Variants in XPO4 observed in about 807,000 individuals in gnomAD.
XPO4 encodes the protein exportin 4, also known as exportin-4.
XPO4 carries 39 observed loss-of-function variants against 143.0 expected under a neutral mutation model. The observed-to-expected ratio is 0.27, with a 90% CI of 0.21 to 0.36. The LOEUF (loss-of-function observed/expected upper bound fraction) is 0.36, where lower values mean the gene tolerates loss of function less well. Ranked by LOEUF, XPO4 falls within the 10% of genes least tolerant of loss-of-function variation. The pLI, the probability that XPO4 is intolerant of heterozygous loss-of-function variation, is 1.00. For missense variants in XPO4, 907 were observed against 1,348.0 expected, an observed-to-expected ratio of 0.67 and a Z score of 5.12; for synonymous variants, 439 against 474.0, an observed-to-expected ratio of 0.93 and a Z score of 0.96.
chr13:20,786,820 C>A, intron 22 of XPO4, 145 bp downstream of exon 22: 1 of 558,648 alleles, frequency 1.8e-6, no homozygotes, highest in Non-Finnish European at 3.0e-6. Flanking sequence ...AATAAAGAAG[C>A]TAAGAAATAC....
intron 7 of XPO4, among the ~76,000 whole-genome samples, chr13:20,825,730 G>A (rs909138586): frequency 2.6e-4 from 40 of 152,314 alleles, no homozygotes; most frequent in African/African-American, 9.4e-4. Flanking sequence ...ATTCCTGTCA[G>A]ATGAGGCAGG....
intron 1 of XPO4, chr13:20,879,005 G>A (rs569288512): frequency 1.4e-6 from 1 of 717,758 alleles, no homozygotes; most frequent in Admixed American, 6.3e-5. Flanking sequence ...AATTTTAAGT[G>A]CATCACTGAG....
intron 6 of XPO4, among the ~76,000 whole-genome samples, chr13:20,835,335 AAAT>A (rs1355693668): frequency 6.6e-6 from 1 of 152,232 alleles, no homozygotes; most frequent in Non-Finnish European, 1.5e-5. Context: ...CAGTTTAAAA[AAAT>A]AATGATAAAA....
At chr13:20,843,994 TC>T in intron 4 of XPO4, 108 bp from the exon 5 acceptor site, 7 of 784,458 alleles carry the variant, frequency 8.9e-6, no homozygotes, top group Non-Finnish European at 1.3e-5. Context: ...CTTTAGATCT[TC>T]CACTGTATCT....
chr13:20,867,846 C>T (rs1262272342), intron 2 of XPO4, among the ~76,000 whole-genome samples: 3 of 152,086 alleles, frequency 2.0e-5, no homozygotes, highest in Admixed American at 6.6e-5. Context: ...CAAAAGATGG[C>T]TCCCACTAAA....
intron 13 of XPO4, among the ~76,000 whole-genome samples, chr13:20,804,537 T>C (rs1489183777): frequency 6.6e-6 from 1 of 152,156 alleles, no homozygotes. Flanking sequence ...GGTTCTCCTC[T>C]GCCCGTAGAT....
intron 2 of XPO4, chr13:20,866,035 A>C: frequency 2.0e-6 from 2 of 985,390 alleles, no homozygotes; most frequent in Non-Finnish European, 2.4e-6. Context: ...AAAGAATGCC[A>C]CAAAGTTAGC....
chr13:20,850,265 G>A (rs499577), intron 4 of XPO4: 800,648 of 981,556 alleles, frequency 0.82, 327,046 homozygotes, highest in East Asian at 1. Context: ...CTAGGGAGAC[G>A]GCACAAATAC....
At chr13:20,893,259 A>G (rs2060535545) in intron 1 of XPO4, among the ~76,000 whole-genome samples, 1 of 152,224 alleles carries the variant, frequency 6.6e-6, no homozygotes, top group Non-Finnish European at 1.5e-5. Context: ...GCTTTTTGTG[A>G]ACAAGAGGCC....
At chr13:20,822,387 G>T in intron 7 of XPO4, 98 bp from the exon 8 acceptor site, 1 of 1,051,264 alleles carries the variant, frequency 9.5e-7, no homozygotes, top group Non-Finnish European at 1.3e-6. Context: ...ATTCACTGTA[G>T]CTGGTTATTT....
chr13:20,828,399 A>C (rs968183310), intron 6 of XPO4, among the ~76,000 whole-genome samples: 6 of 152,244 alleles, frequency 3.9e-5, no homozygotes, highest in African/African-American at 1.4e-4. Context: ...ATAGAAATTC[A>C]AATACTATAT....
At chr13:20,895,671 C>T (rs911685925) in intron 1 of XPO4, among the ~76,000 whole-genome samples, 2 of 151,808 alleles carry the variant, frequency 1.3e-5, no homozygotes, top group South Asian at 2.1e-4. Context: ...CTTCCATTTC[C>T]GTTTCTATGC....
intron 1 of XPO4, among the ~76,000 whole-genome samples, chr13:20,876,134 T>A (rs1468279747): frequency 1.4e-5 from 2 of 147,460 alleles, no homozygotes; most frequent in African/African-American, 5.0e-5. Context: ...TGGTGGCACA[T>A]GCCTGTAAAC....
intron 20 of XPO4, among the ~76,000 whole-genome samples, chr13:20,788,053 T>G (rs2059229978): frequency 7.6e-6 from 1 of 131,338 alleles, no homozygotes; most frequent in East Asian, 3.6e-4. Context: ...TTTTTTGTTT[T>G]TTTGTTTTTT....
intron 22 of XPO4, among the ~76,000 whole-genome samples, chr13:20,784,896 T>C (rs937705683): frequency 3.9e-5 from 6 of 152,182 alleles, no homozygotes; most frequent in Non-Finnish European, 7.3e-5. Flanking sequence ...GAGCCATGGT[T>C]GCTCCACTGC....
intron 6 of XPO4, 73 bp from the exon 7 acceptor site, chr13:20,827,252 C>G (rs1262838210): frequency 9.5e-7 from 1 of 1,057,768 alleles, no homozygotes; most frequent in Non-Finnish European, 1.5e-6. Flanking sequence ...CTAAATATAA[C>G]AGGAGCCATC....
intron 1 of XPO4, among the ~76,000 whole-genome samples, chr13:20,888,230 TG>T (rs2060478936): frequency 6.6e-6 from 1 of 150,724 alleles, no homozygotes; most frequent in Non-Finnish European, 1.5e-5. Context: ...TGAAATGATA[TG>T]GAAGAGAGAG....
At chr13:20,871,360 T>C (rs1367649252) in intron 1 of XPO4, among the ~76,000 whole-genome samples, 1 of 152,086 alleles carries the variant, frequency 6.6e-6, no homozygotes, top group Non-Finnish European at 1.5e-5. Flanking sequence ...CACTCTGTCG[T>C]CCAGGCTGGA....
At chr13:20,789,559 T>A (rs2059250779) in intron 19 of XPO4, among the ~76,000 whole-genome samples, 2 of 147,974 alleles carry the variant, frequency 1.4e-5, no homozygotes, top group African/African-American at 5.1e-5. Flanking sequence ...CACACCCGGC[T>A]TTTTTTTTGT....
Sources: gnomAD v4.1 joint callset for allele counts (sites outside exome capture counted in the v4.1 genomes callset) on GRCh38, gnomAD v4.1.1 for gene constraint, MANE v1.5 for transcripts, NCBI Gene and HGNC (gene_info 2026-07-23, HGNC 2026-07-21) for gene names.